Variants in BRAT1 observed in about 807,000 individuals in gnomAD.
BRAT1 encodes the protein integrator complex assembly factor BRAT1.
A neutral mutation model predicts 70.6 loss-of-function variants in BRAT1; 74 were observed. That is an observed-to-expected ratio of 1.05 (90% CI 0.87 to 1.27). The LOEUF (loss-of-function observed/expected upper bound fraction) is 1.27, where lower values mean the gene tolerates loss of function less well. Among genes scored for constraint, BRAT1 ranks in the 50% most tolerant of loss-of-function variants. The probability of loss-of-function intolerance (pLI) is 0.00; values close to 1 mark genes in which losing one functional copy is unlikely to be tolerated. For synonymous variants in BRAT1, 615 were observed against 517.1 expected, an observed-to-expected ratio of 1.19 and a Z score of -2.57; for missense variants, 1,203 against 1,098.2, an observed-to-expected ratio of 1.10 and a Z score of -1.35.
chr7:2,545,495 TC>T (rs1274842500), intron 3 of BRAT1, among the ~76,000 whole-genome samples: 7 of 117,200 alleles, frequency 6.0e-5, no homozygotes, highest in Admixed American at 8.5e-5. Context: ...ACTTTCTTCT[TC>T]TTTTTTTTTT....
intron 3 of BRAT1, among the ~76,000 whole-genome samples, chr7:2,545,493 C>CTTTTTT (rs1260051801): frequency 9.3e-6 from 1 of 107,576 alleles, no homozygotes; most frequent in Non-Finnish European, 1.7e-5. Context: ...ACACTTTCTT[C>CTTTTTT]TTCTTTTTTT....
At chr7:2,554,602 T>C (rs1010434946) in intron 1 of BRAT1, among the ~76,000 whole-genome samples, 155 bp from the exon 2 acceptor site, 2 of 152,070 alleles carry the variant, frequency 1.3e-5, no homozygotes, top group African/African-American at 2.4e-5. Context: ...CAGAGGTCTG[T>C]ACTGCAGGGA....
At chr7:2,551,097 G>A (rs1049648408) in intron 2 of BRAT1, among the ~76,000 whole-genome samples, 1 of 152,004 alleles carries the variant, frequency 6.6e-6, no homozygotes, top group South Asian at 2.1e-4. Flanking sequence ...AAAATTGGCC[G>A]GGCATGGTGG....
chr7:2,544,168 T>TTG (rs1779411697), intron 4 of BRAT1: 3 of 438,334 alleles, frequency 6.8e-6, no homozygotes, highest in Non-Finnish European at 1.2e-5. Flanking sequence ...CACACACAGC[T>TTG]TGTGATGCTT....
intron 2 of BRAT1, among the ~76,000 whole-genome samples, chr7:2,551,202 T>C (rs1247062526): frequency 2.7e-5 from 4 of 150,008 alleles, no homozygotes; most frequent in Non-Finnish European, 5.9e-5. Context: ...GATTGTGCCA[T>C]TGCACCCCAG....
chr7:2,538,058 T>A lies in BRAT1; in HGVS notation c.*11A>T, dbSNP rs1313402863. 2.0e-5 allele frequency: 31 copies of A among 1,540,350 alleles called. No homozygotes were observed. Among genetic ancestry groups the A allele is most frequent in the Non-Finnish European group, 2.3e-5 (26 of 1,139,128 alleles). ...TTGGTCCTGAGCCCCAGTGGCAGAC[T>A]CTGGTTCTGCTCAGTAGCAGTCGGC... On this transcript the variant is annotated 3_prime_UTR_variant, in exon 14 of 14. Transcript: ENST00000340611.
At chr7:2,547,662 G>C (rs923380963) in intron 2 of BRAT1, among the ~76,000 whole-genome samples, 184 bp from the exon 3 acceptor site, 7 of 152,202 alleles carry the variant, frequency 4.6e-5, no homozygotes, top group African/African-American at 9.7e-5. Context: ...ATTCAGTAAG[G>C]GCTAGAAAGC....
At chr7:2,553,893 C>T (rs986462201) in intron 2 of BRAT1, among the ~76,000 whole-genome samples, 2 of 151,742 alleles carry the variant, frequency 1.3e-5, no homozygotes, top group Non-Finnish European at 2.9e-5. Flanking sequence ...GCAATCCGCT[C>T]GCCTCAGCCT....
intron 3 of BRAT1, 34 bp downstream of exon 3, chr7:2,547,290 C>T (rs1355184047): frequency 6.2e-7 from 1 of 1,610,820 alleles, no homozygotes; most frequent in Admixed American, 1.7e-5. Flanking sequence ...CCCACCTCTC[C>T]ACGGGACACT....
At chr7:2,541,982 T>G in intron 7 of BRAT1, 138 bp downstream of exon 7, 1 of 1,185,822 alleles carries the variant, frequency 8.4e-7, no homozygotes, top group South Asian at 1.5e-5. Flanking sequence ...ATGTCCCCGG[T>G]CCCCTTTGCT....
At chr7:2,555,051 G>A (rs1270170234) in intron 1 of BRAT1, among the ~76,000 whole-genome samples, 3 of 146,164 alleles carry the variant, frequency 2.1e-5, no homozygotes, top group Non-Finnish European at 4.5e-5. Context: ...CTGTCCGTGT[G>A]TCTGTCCCTC....
At position 2,538,430 on chromosome 7, in the gene BRAT1, T is replaced by C. The variant is rs775219690; in HGVS notation, c.2105A>G (p.Asp702Gly). Residue 702 changes from aspartate (D) to glycine (G), a missense_variant, in exon 14 of 14, where the codon GAC becomes GGC. Transcript: ENST00000340611. ...LRALCHVGLF[D>G]FAFCALFDCD... Reference sequence around the variant, plus strand: ...GTCAAACAAGGCACAAAAGGCGAAGTCAAAGAGCCCCACGTGGCAGAGAGC... The same window carrying C: ...GTCAAACAAGGCACAAAAGGCGAAGCCAAAGAGCCCCACGTGGCAGAGAGC... 100 of 1,613,304 alleles carry C rather than the reference T, an allele frequency of 6.2e-5. 1 individual carries two copies. In the South Asian group the frequency reaches 1.0e-3, roughly 17 times the overall value.
chr7:2,554,185 T>C, intron 2 of BRAT1, 120 bp downstream of exon 2: 2 of 1,349,744 alleles, frequency 1.5e-6, no homozygotes, highest in Non-Finnish European at 2.0e-6. Context: ...GAAAGACATC[T>C]GATTGGCAGT....
At chr7:2,542,041 C>G (rs962163858) in intron 7 of BRAT1, 79 bp downstream of exon 7, 129 of 1,360,932 alleles carry the variant, frequency 9.5e-5, no homozygotes, top group Non-Finnish European at 1.2e-4. Flanking sequence ...GGTGGCGAGC[C>G]AGCTACTCTC....
At chr7:2,552,604 G>C (rs1326688271) in intron 2 of BRAT1, among the ~76,000 whole-genome samples, 1 of 150,984 alleles carries the variant, frequency 6.6e-6, no homozygotes, top group Non-Finnish European at 1.5e-5. Flanking sequence ...AAGAATAAAA[G>C]AACACGGTAA....
At position 2,539,269 on chromosome 7, in the gene BRAT1, A is replaced by AT. The variant is rs1562567989; in HGVS notation, c.1679dup (p.Tyr560Ter). The AT allele has an allele frequency of 6.2e-7, 1 of 1,611,988 alleles. No homozygotes were observed. Among genetic ancestry groups the AT allele is most frequent in the Non-Finnish European group, 8.5e-7 (1 of 1,179,970 alleles). ...TGGCGGTCACTGCACTCGCTCGGAC[A>AT]TAACTCTCAGGGTCCTGGAGGAGCT... Reference protein sequence around the residue: ...ALQLLQDPESYVRASAVTAMG... With the variant: ...ALQLLQDPES Residue 560 changes from tyrosine to a stop codon, truncating the protein, a stop_gained and frameshift_variant, in exon 13 of 14, where the codon TAT becomes TAAT. Coordinates refer to ENST00000340611, the MANE Select transcript of BRAT1 (RefSeq NM_152743.4). LOFTEE classifies it high-confidence loss of function.
chr7:2,547,554 A>G, intron 2 of BRAT1, 76 bp from the exon 3 acceptor site: 1 of 1,497,616 alleles, frequency 6.7e-7, no homozygotes. Context: ...CTCTTCTCCT[A>G]GCAATTCCCA....
rs754828716 is a variant in BRAT1, at chr7:2,538,605, G to C, written c.1930C>G (p.Arg644Gly). The change falls in exon 14 of 14, where the codon CGA becomes GGA. Residue 644 changes from arginine (R) to glycine (G), a missense_variant. Transcript: ENST00000340611. ...FVATVLQAAS[R>G]DLDWEVRAQG... Reference sequence around the variant, plus strand: ...GCGCGGACCTCCCAGTCCAGGTCTCGGCTCGCCGCCTGCAGCACAGTGGCC... The same window carrying C: ...GCGCGGACCTCCCAGTCCAGGTCTCCGCTCGCCGCCTGCAGCACAGTGGCC... The C allele has an allele frequency of 6.3e-7, 1 of 1,597,472 alleles. No individual in the cohort carries two copies. The highest frequency in any genetic ancestry group is 8.5e-7 in the Non-Finnish European group (1 of 1,178,760).
At chr7:2,539,512 G>A in intron 12 of BRAT1, 32 bp downstream of exon 12, 1 of 1,530,176 alleles carries the variant, frequency 6.5e-7, no homozygotes, top group Non-Finnish European at 8.8e-7. Flanking sequence ...CCACAGGCGG[G>A]GAAGGCAGCC....
Sources: gnomAD v4.1 joint callset for allele counts (sites outside exome capture counted in the v4.1 genomes callset) on GRCh38, gnomAD v4.1.1 for gene constraint, MANE v1.5 for transcripts, NCBI Gene and HGNC (gene_info 2026-07-23, HGNC 2026-07-21) for gene names.